Variants in TMEFF2 observed in about 807,000 individuals in gnomAD.
TMEFF2 encodes tomoregulin-2.
Under a neutral mutation model 53.8 loss-of-function variants are expected in TMEFF2, and 28 were observed. The observed-to-expected ratio is 0.52, with a 90% CI of 0.39 to 0.71. The LOEUF is 0.71. TMEFF2 is among the 30% of genes least tolerant of loss of function. TMEFF2 has a pLI of 0.00. For synonymous variants in TMEFF2, 162 were observed against 166.3 expected (o/e 0.97, Z 0.20); for missense variants, 353 against 455.2 (o/e 0.78, Z 2.04).
At chr2:192,004,287 G>C (rs1227388433) in intron 5 of TMEFF2, among the ~76,000 whole-genome samples, 1 of 152,124 alleles carries the variant, frequency 6.6e-6, no homozygotes, top group Non-Finnish European at 1.5e-5. Context: ...ACAGACAAAG[G>C]AAACAGGAAA....
intron 4 of TMEFF2, among the ~76,000 whole-genome samples, chr2:192,101,096 T>C (rs1163966106): frequency 6.6e-6 from 1 of 152,176 alleles, no homozygotes; most frequent in African/African-American, 2.4e-5. Flanking sequence ...TATCACATTA[T>C]AGTTCATGGG....
intron 5 of TMEFF2, among the ~76,000 whole-genome samples, chr2:192,003,143 G>A (rs1686409274): frequency 1.3e-5 from 2 of 152,088 alleles, no homozygotes; most frequent in Admixed American, 1.3e-4. Context: ...ACTACATGTT[G>A]GATAGCTAAA....
At chr2:192,124,818 G>C (rs1434087194) in intron 4 of TMEFF2, among the ~76,000 whole-genome samples, 3 of 152,162 alleles carry the variant, frequency 2.0e-5, no homozygotes, top group Admixed American at 2.0e-4. Flanking sequence ...TCAGAGTTTT[G>C]TCACAAGCCA....
chr2:192,164,550 A>C (rs1326076916), intron 4 of TMEFF2, among the ~76,000 whole-genome samples: 4 of 152,134 alleles, frequency 2.6e-5, no homozygotes, highest in African/African-American at 7.2e-5. Context: ...CAACATAGTG[A>C]AACCCCGTCT....
chr2:192,057,492 C>T (rs1016303487), intron 5 of TMEFF2, among the ~76,000 whole-genome samples, 187 bp downstream of exon 5: 21 of 152,064 alleles, frequency 1.4e-4, no homozygotes, highest in Admixed American at 1.3e-3. Context: ...CCATGGATAG[C>T]TGCTTGGCTG....
At chr2:191,956,404 C>A in intron 7 of TMEFF2, 26 bp from the exon 8 acceptor site, 1 of 1,606,318 alleles carries the variant, frequency 6.2e-7, no homozygotes, top group Non-Finnish European at 8.5e-7. Flanking sequence ...AAAGTAAGCA[C>A]CCCCTGTAAA....
chr2:192,061,558 G>C (rs987318928), intron 4 of TMEFF2, among the ~76,000 whole-genome samples: 1 of 152,084 alleles, frequency 6.6e-6, no homozygotes, highest in African/African-American at 2.4e-5. Context: ...GGTATACTGT[G>C]GGGAGGGCGG....
At chr2:192,174,741 A>T (rs182593663) in intron 4 of TMEFF2, among the ~76,000 whole-genome samples, 2 of 151,840 alleles carry the variant, frequency 1.3e-5, no homozygotes, top group East Asian at 3.9e-4. Flanking sequence ...TCAGTATTTC[A>T]GCAGAAGTTG....
intron 4 of TMEFF2, among the ~76,000 whole-genome samples, chr2:192,134,502 G>A (rs538799142): frequency 2.6e-5 from 4 of 152,134 alleles, no homozygotes; most frequent in African/African-American, 7.2e-5. Context: ...CCTTTCCATC[G>A]TGGAAATCTA....
intron 4 of TMEFF2, among the ~76,000 whole-genome samples, chr2:192,143,105 C>A (rs1015286990): frequency 1.3e-5 from 2 of 152,192 alleles, no homozygotes; most frequent in African/African-American, 4.8e-5. Flanking sequence ...GAGAAATTAA[C>A]TTGCTGCTGC....
chr2:192,110,058 G>A (rs1207024449), intron 4 of TMEFF2, among the ~76,000 whole-genome samples: 1 of 151,990 alleles, frequency 6.6e-6, no homozygotes, highest in African/African-American at 2.4e-5. Flanking sequence ...ATTCACTGAG[G>A]AACTCCAATA....
chr2:192,179,589 GA>G, intron 4 of TMEFF2, 78 bp downstream of exon 4: 3 of 1,416,956 alleles, frequency 2.1e-6, no homozygotes, highest in Admixed American at 2.6e-5. Flanking sequence ...TTAAATATCT[GA>G]AATGGAACAT....
At chr2:192,133,025 G>A (rs999353012) in intron 4 of TMEFF2, among the ~76,000 whole-genome samples, 14 of 152,034 alleles carry the variant, frequency 9.2e-5, no homozygotes, top group African/African-American at 3.1e-4. Context: ...TTCTTTTCAA[G>A]GGCCTGTTGC....
intron 4 of TMEFF2, among the ~76,000 whole-genome samples, chr2:192,102,111 T>C (rs1400188940): frequency 2.0e-5 from 3 of 152,108 alleles, no homozygotes; most frequent in East Asian, 3.8e-4. Flanking sequence ...AAATAATAAA[T>C]AGTATGTCTG....
At chr2:191,988,061 A>G (rs1345606986) in intron 7 of TMEFF2, among the ~76,000 whole-genome samples, 3 of 152,224 alleles carry the variant, frequency 2.0e-5, no homozygotes, top group Admixed American at 2.0e-4. Context: ...GAAGTATGTT[A>G]AGCTGCAGAA....
Position 192,103,794 on chromosome 2 carries a change from T to C in TMEFF2, c.440-46019A>G, listed in dbSNP as rs1031811991. On this transcript the variant is annotated intron_variant, in intron 4 of 9. Coordinates refer to ENST00000272771, the MANE Select transcript of TMEFF2 (RefSeq NM_016192.4). Reference sequence around the variant, plus strand: ...TGAGAAATTGTATGTCTTTGTTTTATATGCAGAGATGCCATAGCCTTGAGG... The same window carrying C: ...TGAGAAATTGTATGTCTTTGTTTTACATGCAGAGATGCCATAGCCTTGAGG... 4.6e-5 allele frequency among the ~76,000 whole-genome samples: 7 copies of C among 151,908 alleles called. 1 individual carries two copies. The highest frequency in any genetic ancestry group is 8.8e-5 in the Non-Finnish European group (6 of 67,976).
intron 4 of TMEFF2, among the ~76,000 whole-genome samples, chr2:192,153,364 T>C (rs1343181182): frequency 2.0e-5 from 3 of 151,898 alleles, no homozygotes; most frequent in Non-Finnish European, 2.9e-5. Context: ...AACTTCCCAC[T>C]GTGCTTCTTT....
At chr2:191,967,656 C>T (rs1306544584) in intron 7 of TMEFF2, among the ~76,000 whole-genome samples, 1 of 152,130 alleles carries the variant, frequency 6.6e-6, no homozygotes, top group Non-Finnish European at 1.5e-5. Flanking sequence ...TTACCTCTCG[C>T]AGGCTTTGGC....
At chr2:191,967,476 T>A (rs371591921) in intron 7 of TMEFF2, among the ~76,000 whole-genome samples, 10 of 152,270 alleles carry the variant, frequency 6.6e-5, no homozygotes, top group African/African-American at 2.4e-4. Context: ...CTAGTGCAGA[T>A]TGACCTCCTT....
Sources: gnomAD v4.1 joint callset for allele counts (sites outside exome capture counted in the v4.1 genomes callset) on GRCh38, gnomAD v4.1.1 for gene constraint, MANE v1.5 for transcripts, NCBI Gene and HGNC (gene_info 2026-07-23, HGNC 2026-07-21) for gene names.